Variants in ANO2 observed in about 807,000 individuals in gnomAD.
ANO2 encodes the protein anoctamin 2, also known as anoctamin-2.
ANO2 carries 101 observed loss-of-function variants against 124.2 expected under a neutral mutation model. The ratio of observed to expected loss-of-function variants is 0.81; its 90% confidence interval spans 0.69 to 0.96. ANO2 has a LOEUF of 0.96. Among genes scored for constraint, ANO2 ranks in the 40% least tolerant of loss-of-function variants. The probability of loss-of-function intolerance (pLI) is 0.00; values close to 1 mark genes in which losing one functional copy is unlikely to be tolerated. For missense variants in ANO2, 1,293 were observed against 1,274.5 expected (o/e 1.01, Z -0.22); for synonymous variants, 486 against 482.5 (o/e 1.01, Z -0.09).
At chr12:5,638,669 A>G (rs1946170549) in intron 15 of ANO2, among the ~76,000 whole-genome samples, 1 of 151,996 alleles carries the variant, frequency 6.6e-6, no homozygotes, top group African/African-American at 2.4e-5. Context: ...GTCTTTTACC[A>G]CATTCTGTGC....
intron 15 of ANO2, among the ~76,000 whole-genome samples, chr12:5,639,544 T>C (rs1053984559): frequency 2.6e-5 from 4 of 151,904 alleles, no homozygotes; most frequent in Non-Finnish European, 4.4e-5. Context: ...TAGGGATCGG[T>C]TGCAATTTAA....
intron 7 of ANO2, among the ~76,000 whole-genome samples, chr12:5,827,346 G>A (rs1953986962): frequency 2.0e-5 from 3 of 151,238 alleles, no homozygotes; most frequent in Admixed American, 1.3e-4. Context: ...GGACAGTCAT[G>A]ACCCCTCTCT....
intron 10 of ANO2, among the ~76,000 whole-genome samples, chr12:5,772,323 C>A (rs1396851927): frequency 2.6e-5 from 4 of 152,188 alleles, no homozygotes; most frequent in African/African-American, 9.7e-5. Flanking sequence ...TTACATCCGA[C>A]TGGCTTTTCA....
chr12:5,620,574 GCAGGAGTTGAATTGGAATTCTA>G (rs1173195655), intron 16 of ANO2, among the ~76,000 whole-genome samples: 5 of 151,972 alleles, frequency 3.3e-5, no homozygotes, highest in Admixed American at 6.5e-5. Context: ...GAATTCTATA[GCAGGAGTTGAATTGGAATTCTA>G]CAGGAGTTGA....
At chr12:5,936,161 C>T (rs550481009) in intron 1 of ANO2, among the ~76,000 whole-genome samples, 1 of 152,264 alleles carries the variant, frequency 6.6e-6, no homozygotes, top group South Asian at 2.1e-4. Context: ...ATATGACTCA[C>T]AAATATTTTC....
At chr12:5,937,595 C>G (rs1184868489) in intron 1 of ANO2, among the ~76,000 whole-genome samples, 1 of 151,924 alleles carries the variant, frequency 6.6e-6, no homozygotes, top group Non-Finnish European at 1.5e-5. Context: ...TTATGGTATA[C>G]TGGACATTGT....
intron 7 of ANO2, among the ~76,000 whole-genome samples, chr12:5,814,842 A>G (rs1172171785): frequency 6.6e-6 from 1 of 152,272 alleles, no homozygotes; most frequent in Non-Finnish European, 1.5e-5. Flanking sequence ...GCAATGACAA[A>G]GAGTCAAGAA....
chr12:5,878,305 A>G (rs1316426239), intron 3 of ANO2, among the ~76,000 whole-genome samples: 1 of 152,190 alleles, frequency 6.6e-6, no homozygotes, highest in Non-Finnish European at 1.5e-5. Context: ...AGAGAGGTTG[A>G]CTCATCTGGT....
intron 10 of ANO2, among the ~76,000 whole-genome samples, chr12:5,771,622 A>T (rs112752607): frequency 0.026 from 3,893 of 152,190 alleles, 163 homozygotes; most frequent in African/African-American, 0.088. Context: ...TCTACTAAAA[A>T]TACAAAAATT....
chr12:5,867,425 G>A (rs1315319245), intron 3 of ANO2, among the ~76,000 whole-genome samples: 1 of 152,158 alleles, frequency 6.6e-6, no homozygotes, highest in East Asian at 1.9e-4. Flanking sequence ...ATATTTAATG[G>A]ATGAAGTGAG....
chr12:5,739,624 C>CAT (rs1951017992), intron 12 of ANO2, among the ~76,000 whole-genome samples: 1 of 151,900 alleles, frequency 6.6e-6, no homozygotes, highest in Admixed American at 6.6e-5. Context: ...CACACACACA[C>CAT]ACACACGCTC....
intron 3 of ANO2, among the ~76,000 whole-genome samples, chr12:5,918,940 A>G (rs567561971): frequency 6.6e-6 from 1 of 152,188 alleles, no homozygotes; most frequent in African/African-American, 2.4e-5. Context: ...CAGATAAGGG[A>G]CCTGAGGTTC....
intron 14 of ANO2, among the ~76,000 whole-genome samples, chr12:5,656,801 T>A (rs116806664): frequency 0.013 from 1,936 of 152,292 alleles, 46 homozygotes; most frequent in African/African-American, 0.044. Flanking sequence ...TAGATCCCTC[T>A]CTATGTAAGG....
intron 4 of ANO2, 115 bp from the exon 5 acceptor site, chr12:5,832,718 G>A: frequency 1.7e-6 from 2 of 1,210,780 alleles, no homozygotes; most frequent in African/African-American, 1.5e-5. Context: ...TTGGAGAGAG[G>A]AAGAGACTGG....
At chr12:5,807,448 C>A (rs995519872) in intron 7 of ANO2, 80 bp from the exon 8 acceptor site, 1 of 1,212,878 alleles carries the variant, frequency 8.2e-7, no homozygotes, top group East Asian at 2.6e-5. Flanking sequence ...GATAAATAAG[C>A]TTTCACATGC....
At chr12:5,798,013 C>T (rs145795269) in intron 10 of ANO2, among the ~76,000 whole-genome samples, 192 of 152,182 alleles carry the variant, frequency 1.3e-3, no homozygotes, top group African/African-American at 4.5e-3. Flanking sequence ...GAAGTCTCTG[C>T]GGGAAAAGAT....
At chr12:5,678,355 C>T (rs1448381432) in intron 14 of ANO2, among the ~76,000 whole-genome samples, 1 of 152,172 alleles carries the variant, frequency 6.6e-6, no homozygotes, top group Non-Finnish European at 1.5e-5. Context: ...GGACAAGTGC[C>T]TGGACACTGG....
At chr12:5,812,379 GAAA>G (rs766075616) in intron 7 of ANO2, among the ~76,000 whole-genome samples, 34,798 of 131,066 alleles carry the variant, frequency 0.27, 5,439 homozygotes, top group Non-Finnish European at 0.33. Flanking sequence ...GAAAAAGAAA[GAAA>G]GAAAGAAGGG....
chr12:5,739,482 G>A, intron 12 of ANO2, 83 bp from the exon 13 acceptor site: 4 of 1,147,266 alleles, frequency 3.5e-6, no homozygotes, highest in Non-Finnish European at 5.0e-6. Context: ...AGTGGAGGTG[G>A]GGGATAAGCT....
Sources: allele counts gnomAD v4.1 joint callset (sites outside exome capture counted in the v4.1 genomes callset), GRCh38; gene constraint gnomAD v4.1.1; transcripts MANE v1.5; gene names NCBI Gene and HGNC (gene_info 2026-07-23, HGNC 2026-07-21).